Variants in LPP observed in about 807,000 individuals in gnomAD.
The protein encoded by LPP is lipoma-preferred partner.
Under a neutral mutation model 60.4 loss-of-function variants are expected in LPP, and 38 were observed. That is an observed-to-expected ratio of 0.63 (90% CI 0.49 to 0.83). The LOEUF (loss-of-function observed/expected upper bound fraction) is 0.83. Ranked by LOEUF, LPP falls within the 40% of genes least tolerant of loss-of-function variation. The pLI is 0.00. For synonymous variants in LPP, 328 were observed against 290.8 expected (o/e 1.13, Z -1.30); for missense variants, 902 against 783.6 (o/e 1.15, Z -1.80).
intron 9 of LPP, among the ~76,000 whole-genome samples, chr3:188,774,305 C>T (rs565155539): frequency 5.3e-5 from 8 of 152,146 alleles, no homozygotes; most frequent in Non-Finnish European, 1.2e-4. Flanking sequence ...ACTGTACTTA[C>T]AGAACTTTCA....
chr3:188,800,167 C>T (rs1217015946), intron 9 of LPP, among the ~76,000 whole-genome samples: 2 of 111,260 alleles, frequency 1.8e-5, no homozygotes, highest in South Asian at 3.3e-4. Context: ...TAGTATTTAA[C>T]ATTGTTTCTT....
chr3:188,232,956 A>G (rs1296644341), intron 2 of LPP, among the ~76,000 whole-genome samples: 1 of 152,106 alleles, frequency 6.6e-6, no homozygotes, highest in Admixed American at 6.5e-5. Context: ...CACACATTAA[A>G]TGTTAAGTTT....
chr3:188,245,034 C>G (rs1016679560), intron 2 of LPP, among the ~76,000 whole-genome samples: 3 of 152,090 alleles, frequency 2.0e-5, no homozygotes, highest in Admixed American at 1.3e-4. Context: ...GATTTTTGTC[C>G]TCTTCTTTGC....
At chr3:188,264,237 A>G (rs1315803024) in intron 2 of LPP, among the ~76,000 whole-genome samples, 2 of 151,962 alleles carry the variant, frequency 1.3e-5, no homozygotes, top group African/African-American at 2.4e-5. Flanking sequence ...AGGCAAGAAC[A>G]ATAGGAACAA....
At chr3:188,760,980 TTACTTAATCTACCTGTTAAACTA>T (rs573157202) in intron 9 of LPP, among the ~76,000 whole-genome samples, 272 of 152,342 alleles carry the variant, frequency 1.8e-3, no homozygotes, top group African/African-American at 6.3e-3. Flanking sequence ...ACAATGCTAC[TTACTTAATCTACCTGTTAAACTA>T]TTCTCTGGTA....
chr3:188,692,102 C>T (rs182215724), intron 7 of LPP, among the ~76,000 whole-genome samples: 10 of 152,314 alleles, frequency 6.6e-5, no homozygotes, highest in South Asian at 6.2e-4. Context: ...TATTTCTCCA[C>T]CCTGGCCTTC....
chr3:188,619,633 A>G (rs1845463549), intron 7 of LPP, among the ~76,000 whole-genome samples: 1 of 152,232 alleles, frequency 6.6e-6, no homozygotes, highest in Admixed American at 6.5e-5. Context: ...AGAAGATGCA[A>G]CAGAGACCGT....
chr3:188,439,449 G>T (rs895666920), intron 4 of LPP, among the ~76,000 whole-genome samples: 13 of 152,140 alleles, frequency 8.5e-5, no homozygotes, highest in African/African-American at 3.1e-4. Flanking sequence ...TTCATGTTTT[G>T]CTCCTTGGTA....
intron 8 of LPP, among the ~76,000 whole-genome samples, chr3:188,754,732 G>A (rs180953352): frequency 1.5e-3 from 233 of 152,072 alleles, no homozygotes; most frequent in African/African-American, 5.5e-3. Context: ...TAGAGTATAA[G>A]CAGTTTAAGA....
intron 2 of LPP, among the ~76,000 whole-genome samples, chr3:188,340,753 C>G (rs1242505509): frequency 6.6e-6 from 1 of 152,054 alleles, no homozygotes; most frequent in Non-Finnish European, 1.5e-5. Context: ...TGGGCTGTCT[C>G]TTGTTAGATG....
At chr3:188,469,618 G>A (rs1362800050) in intron 4 of LPP, among the ~76,000 whole-genome samples, 3 of 152,008 alleles carry the variant, frequency 2.0e-5, no homozygotes, top group Non-Finnish European at 2.9e-5. Flanking sequence ...TAAACATTCT[G>A]GGGAGAACAC....
chr3:188,240,109 G>A (rs1723449110), intron 2 of LPP: 1 of 194,380 alleles, frequency 5.1e-6, no homozygotes, highest in Non-Finnish European at 1.1e-5. Flanking sequence ...GGATACATCT[G>A]TGACCTGGGA....
chr3:188,371,641 A>ATTTTTTTTTTT (rs1158606459), intron 3 of LPP, among the ~76,000 whole-genome samples: 2 of 32,172 alleles, frequency 6.2e-5, no homozygotes, highest in African/African-American at 2.5e-4. Context: ...ATATATATAT[A>ATTTTTTTTTTT]TTTTTTTTTT....
chr3:188,804,277 A>ATATATATATATATATATATATG lies in LPP; in HGVS notation c.1410+44001_1410+44002insTATATATATATATATGTATATA, dbSNP rs1388317207. Among the ~76,000 whole-genome samples the ATATATATATATATATATATATG allele has an allele frequency of 7.1e-5, 9 of 126,136 alleles. No homozygotes were observed. The South Asian group carries it at 7.6e-4, about 11-fold the overall frequency. The allele number at this position is 126,136 out of a possible 152,430, so 82.8% of individuals were successfully genotyped here. On this transcript the variant is annotated intron_variant, in intron 9 of 11. Coordinates refer to ENST00000617246, the MANE Select transcript of LPP (RefSeq NM_001375462.1). ...TATATATATATATATATATATATAT[A>ATATATATATATATATATATATG]TATATAAAATGGAATACAATTCAGC... is the stretch of plus-strand genomic sequence containing the variant.
At position 188,483,849 on chromosome 3, in the gene LPP, G is replaced by A. The variant is rs543690205; in HGVS notation, c.194-743G>A. ...ACATTAGTCTTTAGTAAATCGTATT[G>A]TAACCAAGTGTTTCTTTCTCAGAAA... On this transcript the variant is annotated intron_variant, in intron 4 of 11. Coordinates refer to ENST00000617246, the MANE Select transcript of LPP (RefSeq NM_001375462.1). Among the ~76,000 whole-genome samples, 66 of 152,322 alleles carry A rather than the reference G, an allele frequency of 4.3e-4. 1 individual carries two copies. The highest frequency in any genetic ancestry group is 4.7e-4 in the Non-Finnish European group (32 of 68,022).
rs187689330 is a variant in LPP, at chr3:188,263,065, C to T, written c.-67+37538C>T. On this transcript the variant is annotated intron_variant, in intron 2 of 11. Coordinates refer to ENST00000617246, the MANE Select transcript of LPP (RefSeq NM_001375462.1). ...TACAATGCTGCCTCTTGGAGTGTTCCGGCTAGACTAAGAGGCCATTCACTG... is the reference window on the plus strand; with the variant it reads ...TACAATGCTGCCTCTTGGAGTGTTCTGGCTAGACTAAGAGGCCATTCACTG... Among the ~76,000 whole-genome samples the T allele has an allele frequency of 5.0e-4, 76 of 152,168 alleles. 1 individual carries two copies. The highest frequency in any genetic ancestry group is 9.1e-4 in the Non-Finnish European group (62 of 68,008).
At chr3:188,401,558 A>ACAT (rs1372852955) in intron 3 of LPP, among the ~76,000 whole-genome samples, 7 of 152,210 alleles carry the variant, frequency 4.6e-5, no homozygotes, top group Non-Finnish European at 8.8e-5. Context: ...ACATTTATAA[A>ACAT]TATTTCTTCC....
chr3:188,695,712 C>T (rs1863103621), intron 7 of LPP, among the ~76,000 whole-genome samples: 1 of 152,198 alleles, frequency 6.6e-6, no homozygotes. Flanking sequence ...CTTGTTCTGC[C>T]TCTGAAGCCC....
At chr3:188,718,541 A>G (rs1715036720) in intron 8 of LPP, among the ~76,000 whole-genome samples, 1 of 152,242 alleles carries the variant, frequency 6.6e-6, no homozygotes, top group Non-Finnish European at 1.5e-5. Flanking sequence ...GATTCCCAGT[A>G]TCTTTTATCT....
Sources: gnomAD v4.1 joint callset for allele counts (sites outside exome capture counted in the v4.1 genomes callset) on GRCh38, gnomAD v4.1.1 for gene constraint, MANE v1.5 for transcripts, NCBI Gene and HGNC (gene_info 2026-07-23, HGNC 2026-07-21) for gene names.